Variants in SPOPL observed in about 807,000 individuals in gnomAD.
SPOPL encodes the protein speckle type BTB/POZ protein like, also known as speckle-type POZ protein-like.
SPOPL carries 23 observed loss-of-function variants against 53.8 expected under a neutral mutation model. The ratio of observed to expected loss-of-function variants is 0.43; its 90% CI spans 0.31 to 0.61. SPOPL has a LOEUF of 0.61. Among genes scored for constraint, SPOPL ranks in the 20% least tolerant of loss-of-function variants. The pLI, the probability that SPOPL is intolerant of heterozygous loss-of-function variation, is 0.12. For missense variants in SPOPL, 442 were observed against 466.9 expected, an observed-to-expected ratio of 0.95 and a Z score of 0.49; for synonymous variants, 164 against 149.7, an observed-to-expected ratio of 1.10 and a Z score of -0.70.
At chr2:138,506,725 A>G (rs74342770) in intron 1 of SPOPL, among the ~76,000 whole-genome samples, 2 of 152,156 alleles carry the variant, frequency 1.3e-5, no homozygotes, top group Admixed American at 6.5e-5. Flanking sequence ...ACTGAGACAT[A>G]TAAGTAGAGA....
intron 1 of SPOPL, among the ~76,000 whole-genome samples, chr2:138,508,413 A>C (rs1242373602): frequency 6.6e-6 from 1 of 152,024 alleles, no homozygotes; most frequent in Non-Finnish European, 1.5e-5. Context: ...GCTCATTGCA[A>C]CCTCTGTCTC....
At chr2:138,528,501 A>T (rs146942673) in intron 1 of SPOPL, among the ~76,000 whole-genome samples, 266 of 152,194 alleles carry the variant, frequency 1.7e-3, no homozygotes, top group African/African-American at 6.2e-3. Flanking sequence ...TTTTTTTGTA[A>T]AAATTTGTTG....
chr2:138,510,411 C>A (rs1684301848), intron 1 of SPOPL, among the ~76,000 whole-genome samples: 1 of 152,156 alleles, frequency 6.6e-6, no homozygotes, highest in Non-Finnish European at 1.5e-5. Flanking sequence ...TTGAAGTAGT[C>A]TATAGATGTC....
chr2:138,550,128 T>C (rs753573296), intron 1 of SPOPL, 29 bp from the exon 2 acceptor site: 4 of 1,162,408 alleles, frequency 3.4e-6, no homozygotes, highest in Non-Finnish European at 5.1e-6. Flanking sequence ...AACTTTTTAA[T>C]CAGTACATCA....
intron 10 of SPOPL, among the ~76,000 whole-genome samples, chr2:138,565,826 T>C (rs551826504): frequency 4.7e-5 from 7 of 150,098 alleles, no homozygotes; most frequent in African/African-American, 1.7e-4. Context: ...CTCCACCTCC[T>C]GGGTTCACGC....
At chr2:138,553,931 A>G (rs145778576) in intron 5 of SPOPL, among the ~76,000 whole-genome samples, 128 of 152,286 alleles carry the variant, frequency 8.4e-4, no homozygotes, top group African/African-American at 2.9e-3. Context: ...CAGTTATCCT[A>G]AATTTCCACA....
intron 1 of SPOPL, among the ~76,000 whole-genome samples, chr2:138,522,843 ACT>A (rs1263250824): frequency 2.0e-5 from 3 of 152,196 alleles, no homozygotes; most frequent in Non-Finnish European, 4.4e-5. Context: ...TACAAGATGG[ACT>A]TTCTGTTTTC....
chr2:138,515,638 A>G (rs1415244555), intron 1 of SPOPL, among the ~76,000 whole-genome samples: 1 of 152,180 alleles, frequency 6.6e-6, no homozygotes, highest in African/African-American at 2.4e-5. Context: ...TAAGATTGTA[A>G]TTCTTTTCTC....
intron 1 of SPOPL, among the ~76,000 whole-genome samples, chr2:138,515,453 A>G (rs755284675): frequency 2.0e-5 from 3 of 152,226 alleles, no homozygotes; most frequent in Admixed American, 2.0e-4. Flanking sequence ...AGTTGGCAGA[A>G]TAAATTTTAC....
At position 138,512,460 on chromosome 2, in the gene SPOPL, G is replaced by A. The variant is rs542970928; in HGVS notation, c.-61+10341G>A. ...TAAAGGGTTTCAGTATTATTGACGC[G>A]TGTTTTAATTTCAGTTAAAATATAC... On this transcript the variant is annotated intron_variant, in intron 1 of 10. Coordinates refer to ENST00000280098, the MANE Select transcript of SPOPL (RefSeq NM_001001664.3). Among the ~76,000 whole-genome samples, 669 of 152,122 alleles carry A rather than the reference G, an allele frequency of 4.4e-3. 3 individuals carry two copies. Among genetic ancestry groups the A allele is most frequent in the African/African-American group, 0.015 (628 of 41,510 alleles).
intron 8 of SPOPL, among the ~76,000 whole-genome samples, chr2:138,562,783 CAA>C (rs35397774): frequency 1.1e-4 from 7 of 64,146 alleles, no homozygotes; most frequent in Non-Finnish European, 2.0e-4. Context: ...GATTCCATCT[CAA>C]AAAAAAAAAA....
chr2:138,540,859 G>T (rs551692297), intron 1 of SPOPL, among the ~76,000 whole-genome samples: 37 of 152,290 alleles, frequency 2.4e-4, no homozygotes, highest in African/African-American at 8.4e-4. Flanking sequence ...TGGCCATTCA[G>T]TATGATATTG....
intron 5 of SPOPL, chr2:138,554,595 T>C: frequency 9.2e-7 from 1 of 1,091,028 alleles, no homozygotes; most frequent in Non-Finnish European, 1.2e-6. Flanking sequence ...GCAAGTTCCC[T>C]ACAGTGGTTA....
chr2:138,546,157 C>A (rs1685190869), intron 1 of SPOPL, among the ~76,000 whole-genome samples: 1 of 152,120 alleles, frequency 6.6e-6, no homozygotes, highest in Admixed American at 6.5e-5. Context: ...GACATTGAAG[C>A]ATTTTGTTGA....
chr2:138,550,319 C>T, intron 2 of SPOPL, 25 bp downstream of exon 2: 2 of 1,611,814 alleles, frequency 1.2e-6, no homozygotes, highest in South Asian at 2.2e-5. Flanking sequence ...AAATCCCTCA[C>T]TTTATGTCAC....
At chr2:138,530,751 T>C (rs1259643525) in intron 1 of SPOPL, among the ~76,000 whole-genome samples, 3 of 152,232 alleles carry the variant, frequency 2.0e-5, no homozygotes, top group African/African-American at 4.8e-5. Context: ...TTAAGCATGT[T>C]AACTGTGAAT....
intron 1 of SPOPL, among the ~76,000 whole-genome samples, chr2:138,529,414 C>T (rs552281872): frequency 6.6e-6 from 1 of 151,968 alleles, no homozygotes; most frequent in South Asian, 2.1e-4. Flanking sequence ...TTTTTGACCA[C>T]CCCGTTTCCA....
chr2:138,547,310 G>A (rs1230686212), intron 1 of SPOPL, among the ~76,000 whole-genome samples: 1 of 152,094 alleles, frequency 6.6e-6, no homozygotes, highest in Non-Finnish European at 1.5e-5. Context: ...TGTATATGAA[G>A]TATATTTTTA....
At chr2:138,535,135 G>C (rs1455318550) in intron 1 of SPOPL, among the ~76,000 whole-genome samples, 1 of 152,120 alleles carries the variant, frequency 6.6e-6, no homozygotes, top group East Asian at 1.9e-4. Context: ...TTGCATCACT[G>C]TATTTCAGCC....
Sources: gnomAD v4.1 joint callset for allele counts (sites outside exome capture counted in the v4.1 genomes callset) on GRCh38, gnomAD v4.1.1 for gene constraint, MANE v1.5 for transcripts, NCBI Gene and HGNC (gene_info 2026-07-23, HGNC 2026-07-21) for gene names.